Variants in SSUH2 observed in about 807,000 individuals in gnomAD.
SSUH2 encodes the protein protein SSUH2 homolog.
In SSUH2, 47 loss-of-function variants were observed where a neutral mutation model predicts 55.3. That is an observed-to-expected ratio of 0.85 (90% CI 0.67 to 1.08). The LOEUF (loss-of-function observed/expected upper bound fraction) is 1.08. Among genes scored for constraint, SSUH2 ranks in the 50% least tolerant of loss-of-function variants. The pLI is 0.00. For synonymous variants in SSUH2, 212 were observed against 191.5 expected, an observed-to-expected ratio of 1.11 and a Z score of -0.89; for missense variants, 535 against 490.7, an observed-to-expected ratio of 1.09 and a Z score of -0.85.
upstream of SSUH2, among the ~76,000 whole-genome samples, chr3:8,646,227 T>C (rs889532005): frequency 1.3e-5 from 2 of 152,218 alleles, no homozygotes; most frequent in East Asian, 1.9e-4. Context: ...TGTGTTTGCA[T>C]GTGTGTATAT....
chr3:8,677,335 A>G (rs1472807841), exon 3 of SSUH2: 2 of 151,374 alleles, frequency 1.3e-5, no homozygotes, highest in East Asian at 2.0e-4. Context: ...AAAGCAGGTC[A>G]TTTGCAATCT....
chr3:8,675,049 G>T (rs1414985691), intron 3 of SSUH2, among the ~76,000 whole-genome samples: 1 of 152,152 alleles, frequency 6.6e-6, no homozygotes, highest in Admixed American at 6.5e-5. Context: ...CCTCCTGCTT[G>T]TTCCCAAGCC....
chr3:8,645,569 C>T (rs367996515), upstream of SSUH2, among the ~76,000 whole-genome samples: 1 of 152,160 alleles, frequency 6.6e-6, no homozygotes, highest in Non-Finnish European at 1.5e-5. Flanking sequence ...GGTCCCACCC[C>T]CTCCACTGCA....
chr3:8,648,704 C>T (rs372038628), upstream of SSUH2, among the ~76,000 whole-genome samples: 1 of 152,160 alleles, frequency 6.6e-6, no homozygotes, highest in East Asian at 1.9e-4. Context: ...CCCTCATTCC[C>T]TTGATGTAGC....
chr3:8,676,640 C>G (rs1010064431), intron 3 of SSUH2, among the ~76,000 whole-genome samples: 10 of 150,994 alleles, frequency 6.6e-5, no homozygotes, highest in African/African-American at 2.2e-4. Context: ...GGAGTCATAT[C>G]TGCCTATTAT....
At chr3:8,676,918 C>T (rs1198958917) in intron 3 of SSUH2, among the ~76,000 whole-genome samples, 3 of 144,824 alleles carry the variant, frequency 2.1e-5, no homozygotes, top group Admixed American at 6.8e-5. Flanking sequence ...CTCTTTCCCC[C>T]CTGGCTCTTA....
intron 7 of SSUH2, among the ~76,000 whole-genome samples, chr3:8,651,369 T>G (rs992400069): frequency 3.9e-5 from 6 of 152,166 alleles, no homozygotes; most frequent in African/African-American, 1.4e-4. Flanking sequence ...GAATTCTTTT[T>G]GTTCTACTTC....
chr3:8,681,274 C>A (rs398581), intron 1 of SSUH2, among the ~76,000 whole-genome samples: 1 of 144,654 alleles, frequency 6.9e-6, no homozygotes, highest in East Asian at 2.1e-4. Context: ...CAGGGACTGA[C>A]AGCCAGCCCC....
chr3:8,631,050 A>C, intron 5 of SSUH2, 121 bp from the exon 6 acceptor site: 1 of 1,051,428 alleles, frequency 9.5e-7, no homozygotes. Context: ...TCCTGGGGCT[A>C]CAGGGATGGA....
At chr3:8,635,675 G>C (rs1699807025) in intron 2 of SSUH2, 84 bp downstream of exon 2, 7 of 1,298,908 alleles carry the variant, frequency 5.4e-6, no homozygotes, top group Non-Finnish European at 7.3e-6. Context: ...AGCTATCTCA[G>C]CACCACCTTT....
chr3:8,639,189 C>T (rs1471732775), intron 1 of SSUH2, among the ~76,000 whole-genome samples: 5 of 152,214 alleles, frequency 3.3e-5, no homozygotes, highest in African/African-American at 1.2e-4. Flanking sequence ...CAGCACGGGG[C>T]ACTCGGAAGG....
intron 1 of SSUH2, chr3:8,640,127 G>A (rs1700588324): frequency 2.5e-6 from 1 of 405,594 alleles, no homozygotes; most frequent in South Asian, 1.0e-4. Context: ...AGATTTACAA[G>A]GTGAAAGGGG....
In SSUH2 at chr3:8,680,001, C is replaced by T. The variant is rs193042728; in HGVS notation, c.-1045-152G>A. Among the ~76,000 whole-genome samples the T allele has an allele frequency of 5.3e-5, 8 of 152,222 alleles. No individual in the cohort carries two copies. The East Asian group carries it at 1.5e-3, about 29-fold the overall frequency. Reference sequence around the variant, plus strand: ...TTTGCAAGGGGGATCCCAACAACAGCAAGTCTTTCATGAGTTAAGGGAAAA... The same window carrying T: ...TTTGCAAGGGGGATCCCAACAACAGTAAGTCTTTCATGAGTTAAGGGAAAA... On this transcript the variant is annotated intron_variant, in intron 1 of 18. Transcript: ENST00000317371.
chr3:8,627,573 G>T, intron 8 of SSUH2, 125 bp downstream of exon 8: 1 of 681,514 alleles, frequency 1.5e-6, no homozygotes, highest in Non-Finnish European at 2.3e-6. Context: ...CACCTACTAC[G>T]TGCAGAGCTC....
At position 8,656,088 on chromosome 3, in the gene SSUH2, AT is replaced by A. The variant is rs113595315; in HGVS notation, c.-307+2836del. 4.1e-3 allele frequency among the ~76,000 whole-genome samples: 629 copies of A among 152,330 alleles called. 3 individuals are homozygous for A. Among genetic ancestry groups the A allele is most frequent in the African/African-American group, 0.014 (595 of 41,578 alleles). ...TCCCACTTCAACAATAACCAAGGAA[AT>A]TAAGATTTTAAGAAAGAGAGAGAGA... On this transcript the variant is annotated intron_variant, in intron 7 of 18. Transcript: ENST00000317371.
intron 7 of SSUH2, among the ~76,000 whole-genome samples, chr3:8,655,639 C>G (rs1311841633): frequency 2.6e-5 from 4 of 152,240 alleles, no homozygotes; most frequent in Non-Finnish European, 5.9e-5. Context: ...TGACTTGGAA[C>G]TCGTTATGCA....
At chr3:8,653,936 C>T (rs1489675989) in intron 7 of SSUH2, among the ~76,000 whole-genome samples, 1 of 152,202 alleles carries the variant, frequency 6.6e-6, no homozygotes, top group Non-Finnish European at 1.5e-5. Flanking sequence ...CTGCCTGTAA[C>T]AGCATGGCTC....
intron 6 of SSUH2, among the ~76,000 whole-genome samples, chr3:8,661,840 A>G (rs1425810633): frequency 6.6e-6 from 1 of 152,124 alleles, no homozygotes; most frequent in Non-Finnish European, 1.5e-5. Flanking sequence ...CATAATTCCC[A>G]TGTGTTTTGG....
chr3:8,624,995 C>G (rs1697226594), intron 10 of SSUH2, among the ~76,000 whole-genome samples: 1 of 152,116 alleles, frequency 6.6e-6, no homozygotes, highest in Non-Finnish European at 1.5e-5. Context: ...CCACCTCCAG[C>G]TGGAACGACA....
Sources: allele counts gnomAD v4.1 joint callset (sites outside exome capture counted in the v4.1 genomes callset), GRCh38; gene constraint gnomAD v4.1.1; transcripts MANE v1.5; gene names NCBI Gene and HGNC (gene_info 2026-07-23, HGNC 2026-07-21).